The following MRS2 variants were observed in gnomAD, a reference collection of about 807,000 sequenced individuals.
The protein encoded by MRS2 is magnesium transporter MRS2, also known as magnesium transporter MRS2 homolog, mitochondrial.
MRS2 carries 40 observed loss-of-function variants against 52.6 expected under a neutral mutation model. The observed-to-expected ratio is 0.76, with a 90% confidence interval of 0.59 to 0.99. MRS2 has a LOEUF of 0.99. MRS2 is among the 50% of genes least tolerant of loss of function. The pLI, the probability that MRS2 is intolerant of heterozygous loss-of-function variation, is 0.00. For synonymous variants in MRS2, 193 were observed against 195.9 expected (o/e 0.98, Z 0.13); for missense variants, 472 against 532.7 (o/e 0.89, Z 1.12).
Position 24,424,650 on chromosome 6 carries a change from C to T in MRS2, c.*956C>T, listed in dbSNP as rs1050244253. The stretch of plus-strand genomic sequence containing the variant: ...CCATCCTCTTTAACATCCTACCTAC[C>T]TTTTAAAATATTTTCTGGAGGTTAA... On this transcript the variant is annotated 3_prime_UTR_variant, in exon 11 of 11. Coordinates refer to ENST00000378386, the MANE Select transcript of MRS2 (RefSeq NM_020662.4). 1.3e-5 allele frequency: 2 copies of T among 152,112 alleles called. No individual in the cohort carries two copies. The highest frequency in any genetic ancestry group is 4.8e-5 in the African/African-American group (2 of 41,426). The allele number at this position is 152,112 out of a possible 1,614,324, so 9.4% of individuals were successfully genotyped here.
In MRS2 at chr6:24,403,076, C is replaced by T. The variant is rs758094471; in HGVS notation, c.30C>T (p.Leu10=). 6.2e-7 allele frequency: 1 copy of T among 1,611,708 alleles called. No homozygotes were observed. The highest frequency in any genetic ancestry group is 1.7e-5 in the Admixed American group (1 of 59,918). Reference sequence around the variant, plus strand: ...AATGCCTGCGCAGTTTACCCTGCCTCCTGCCCCGCGCGATGAGACTTCCCC... The same window carrying T: ...AATGCCTGCGCAGTTTACCCTGCCTTCTGCCCCGCGCGATGAGACTTCCCC... MECLRSLPC[L]LPRAMRLPRR... The change falls in exon 1 of 11, where the codon CTC becomes CTT. Residue 10 remains leucine, a synonymous_variant. Transcript: ENST00000378386.
chr6:24,420,880 A>G (rs764322589), intron 9 of MRS2, among the ~76,000 whole-genome samples: 8 of 152,184 alleles, frequency 5.3e-5, no homozygotes, highest in Non-Finnish European at 8.8e-5. Flanking sequence ...CCAGATGCAG[A>G]TAAGTATGAT....
In MRS2 at chr6:24,402,997, C is replaced by A; in HGVS notation, c.-50C>A. 6.7e-7 allele frequency: 1 copy of A among 1,490,048 alleles called. No homozygotes were observed. The highest frequency in any genetic ancestry group is 9.0e-7 in the Non-Finnish European group (1 of 1,116,672). 92.3% of individuals were successfully genotyped at this position (1,490,048 alleles called of 1,614,324 possible). A position where few individuals can be genotyped will look rare whatever the true frequency, so the allele number is the denominator to read the frequency against. On this transcript the variant is annotated 5_prime_UTR_variant, in exon 1 of 11. Coordinates refer to ENST00000378386, the MANE Select transcript of MRS2 (RefSeq NM_020662.4). ...AGCTGCGGCCTGAGCAGCCAGCGTC[C>A]GGCATGAAGGTCTGGGGTCTGGCTG...
At chr6:24,419,330 G>A (rs1761967600) in intron 9 of MRS2, 1 of 152,152 alleles carries the variant, frequency 6.6e-6, no homozygotes, top group African/African-American at 2.4e-5. Context: ...CAGTACTGTT[G>A]GACCATGTTA....
chr6:24,410,460 G>A (rs748184365), intron 4 of MRS2, among the ~76,000 whole-genome samples: 1 of 152,148 alleles, frequency 6.6e-6, no homozygotes, highest in African/African-American at 2.4e-5. Flanking sequence ...CCTGTAGTGG[G>A]TATGAGACTT....
chr6:24,412,516 A>T (rs1366589662), intron 5 of MRS2, 121 bp downstream of exon 5: 1 of 668,998 alleles, frequency 1.5e-6, no homozygotes, highest in Non-Finnish European at 2.4e-6. Context: ...GCCCCGAAAC[A>T]AGTCGTCTCT....
At chr6:24,415,489 C>T (rs1024680031) in intron 6 of MRS2, among the ~76,000 whole-genome samples, 2 of 152,094 alleles carry the variant, frequency 1.3e-5, no homozygotes, top group African/African-American at 2.4e-5. Context: ...ATTCAAAGTC[C>T]ATGTTGTTCT....
At chr6:24,412,125 G>T in intron 4 of MRS2, 97 bp from the exon 5 acceptor site, 1 of 604,232 alleles carries the variant, frequency 1.7e-6, no homozygotes. Flanking sequence ...TCTACAATTT[G>T]CATATATATA....
intron 9 of MRS2, among the ~76,000 whole-genome samples, chr6:24,420,361 C>T (rs1216335579): frequency 6.6e-6 from 1 of 152,222 alleles, no homozygotes; most frequent in Non-Finnish European, 1.5e-5. Flanking sequence ...CTTAAATCTG[C>T]AATCCCTTGT....
At chr6:24,407,196 T>C (rs73725403) in intron 2 of MRS2, among the ~76,000 whole-genome samples, 1,271 of 70,890 alleles carry the variant, frequency 0.018, 17 homozygotes, top group African/African-American at 0.034. Context: ...ATGTTACGTA[T>C]ATTTATTTTC....
intron 2 of MRS2, 129 bp downstream of exon 2, chr6:24,405,370 G>C: frequency 1.5e-6 from 1 of 669,054 alleles, no homozygotes; most frequent in South Asian, 1.8e-5. Flanking sequence ...TGTCGTGGCT[G>C]TTGTGCCTGG....
chr6:24,402,979 G>A lies in MRS2; in HGVS notation c.-68G>A, dbSNP rs1761327052. 5.5e-6 allele frequency: 8 copies of A among 1,441,848 alleles called. No homozygotes were observed. The highest frequency in any genetic ancestry group is 5.4e-5 in the South Asian group (4 of 73,846). The allele number at this position is 1,441,848 out of a possible 1,614,324, so 89.3% of individuals were successfully genotyped here. ...GCGGTAGCGACAGGTCAGAGCTGCGGCCTGAGCAGCCAGCGTCCGGCATGA... is the reference window on the plus strand; with the variant it reads ...GCGGTAGCGACAGGTCAGAGCTGCGACCTGAGCAGCCAGCGTCCGGCATGA... On this transcript the variant is annotated 5_prime_UTR_variant, in exon 1 of 11. Coordinates refer to ENST00000378386, the MANE Select transcript of MRS2 (RefSeq NM_020662.4).
intron 4 of MRS2, among the ~76,000 whole-genome samples, chr6:24,411,879 T>G (rs145627328): frequency 3.3e-3 from 502 of 151,202 alleles, no homozygotes; most frequent in African/African-American, 0.011. Flanking sequence ...GTTTTTGTTT[T>G]TTTTTCATGA....
rs773871103 is a variant in MRS2, at chr6:24,403,245, C to T, written c.190+9C>T. 3 of 1,586,564 alleles carry T rather than the reference C, an allele frequency of 1.9e-6. No homozygotes were observed. The highest frequency in any genetic ancestry group is 2.6e-6 in the Non-Finnish European group (3 of 1,174,468). On this transcript the variant is annotated intron_variant, in intron 1 of 10. Transcript: ENST00000378386. ...CCGGCTCCGCGTGGCAGGTACTGCCCTTCCCCGGCAACAGCCTTGGGACGC... is the reference window on the plus strand; with the variant it reads ...CCGGCTCCGCGTGGCAGGTACTGCCTTTCCCCGGCAACAGCCTTGGGACGC...
At chr6:24,418,901 A>G (rs1761951705) in intron 9 of MRS2, 1 of 177,808 alleles carries the variant, frequency 5.6e-6, no homozygotes, top group Admixed American at 5.6e-5. Flanking sequence ...TCTGTCTCCA[A>G]AAAAAAAGAT....
intron 10 of MRS2, 38 bp downstream of exon 10, chr6:24,423,088 G>T: frequency 6.5e-7 from 1 of 1,537,628 alleles, no homozygotes; most frequent in Non-Finnish European, 8.9e-7. Context: ...TTGTGGAAGG[G>T]TTATGATCAT....
chr6:24,416,843 TG>T lies in MRS2; in HGVS notation c.836+335del, dbSNP rs538768319. ...AAGCAGAGTGGGAGAGAAATTTACATGGGGGAGGGAAAAGATGGGGTAAATA... is the reference window on the plus strand; with the variant it reads ...AAGCAGAGTGGGAGAGAAATTTACATGGGGAGGGAAAAGATGGGGTAAATA... On this transcript the variant is annotated intron_variant, in intron 7 of 10. Coordinates refer to ENST00000378386, the MANE Select transcript of MRS2 (RefSeq NM_020662.4). Among the ~76,000 whole-genome samples the T allele has an allele frequency of 1.6e-4, 24 of 152,242 alleles. No homozygotes were observed. In the South Asian group the frequency reaches 4.6e-3, roughly 29 times the overall value.
rs767232301 is a variant in MRS2, at chr6:24,423,614, G to C, written c.1252G>C (p.Ala418Pro). The change falls in exon 11 of 11, where the codon GCA becomes CCA. Residue 418 changes from alanine to proline, a missense_variant. Transcript: ENST00000378386. ...MASLPKKTLLADRSMELKNSL... is the reference protein window; with the variant it reads ...MASLPKKTLLPDRSMELKNSL... Reference sequence around the variant, plus strand: ...TTCTTTACCTAAAAAGACTCTTCTGGCAGATAGAAGCATGGAATTGAAAAA... The same window carrying C: ...TTCTTTACCTAAAAAGACTCTTCTGCCAGATAGAAGCATGGAATTGAAAAA... 17 of 1,609,222 alleles carry C rather than the reference G, an allele frequency of 1.1e-5. No homozygotes were observed. The highest frequency in any genetic ancestry group is 1.4e-5 in the Non-Finnish European group (17 of 1,176,164).
intron 2 of MRS2, among the ~76,000 whole-genome samples, chr6:24,406,511 C>T (rs1248230008): frequency 1.3e-5 from 2 of 152,146 alleles, no homozygotes; most frequent in East Asian, 1.9e-4. Flanking sequence ...CGGTGGCTCA[C>T]GCCTGTAATC....
Sources: allele counts gnomAD v4.1 joint callset (sites outside exome capture counted in the v4.1 genomes callset), GRCh38; gene constraint gnomAD v4.1.1; transcripts MANE v1.5; gene names NCBI Gene and HGNC (gene_info 2026-07-23, HGNC 2026-07-21).